The following NKAIN3 variants were observed in gnomAD, a reference collection of about 807,000 sequenced individuals.
NKAIN3 encodes sodium/potassium-transporting ATPase subunit beta-1-interacting protein 3.
In NKAIN3, 25 loss-of-function variants were observed where a neutral mutation model predicts 30.2. That is an observed-to-expected ratio of 0.83 (90% CI 0.60 to 1.16). The LOEUF is 1.16. Among genes scored for constraint, NKAIN3 ranks in the 50% most tolerant of loss-of-function variants. The probability of loss-of-function intolerance (pLI) is 0.00; values close to 1 mark genes in which losing one functional copy is unlikely to be tolerated. For synonymous variants in NKAIN3, 91 were observed against 89.6 expected (o/e 1.02, Z -0.09); for missense variants, 225 against 254.1 (o/e 0.89, Z 0.78).
intron 1 of NKAIN3, among the ~76,000 whole-genome samples, chr8:62,423,346 T>C (rs1451855): frequency 0.42 from 62,805 of 151,232 alleles, 15,062 homozygotes; most frequent in Non-Finnish European, 0.53. Flanking sequence ...CAAACCGTGC[T>C]GTTTCTCAAG....
intron 1 of NKAIN3, among the ~76,000 whole-genome samples, chr8:62,347,117 G>A (rs1337745203): frequency 6.6e-6 from 1 of 152,148 alleles, no homozygotes; most frequent in Middle Eastern, 3.2e-3. Context: ...GGAGGGTGTA[G>A]TAGTAACAGG....
At chr8:62,821,512 T>C (rs1440742896) in intron 4 of NKAIN3, among the ~76,000 whole-genome samples, 1 of 152,132 alleles carries the variant, frequency 6.6e-6, no homozygotes, top group Non-Finnish European at 1.5e-5. Context: ...GGTAATTTCA[T>C]GTGTAATGAG....
rs71255371 is a variant in NKAIN3, at chr8:62,919,227, A to ATTTTTTTTTT, written c.532+740_532+749dup. 4.0e-3 allele frequency among the ~76,000 whole-genome samples: 190 copies of ATTTTTTTTTT among 47,202 alleles called. 15 individuals are homozygous for ATTTTTTTTTT. The highest frequency in any genetic ancestry group is 5.5e-3 in the Admixed American group (13 of 2,346). 31.0% of individuals were successfully genotyped at this position (47,202 alleles called of 152,430 possible). ...TCACTTTTTTTTATTTACTTTCAAA[A>ATTTTTTTTTT]TTTTTTTTTTTTTTTTTTTTTTTTT... On this transcript the variant is annotated intron_variant, in intron 5 of 6. Coordinates refer to ENST00000623646, the MANE Select transcript of NKAIN3 (RefSeq NM_001304533.3).
intron 1 of NKAIN3, among the ~76,000 whole-genome samples, chr8:62,532,923 C>A (rs949595176): frequency 6.6e-6 from 1 of 152,124 alleles, no homozygotes; most frequent in African/African-American, 2.4e-5. Context: ...ATATTTTGGA[C>A]CTAGTACATA....
At position 62,977,171 on chromosome 8, in the gene NKAIN3, T is replaced by C. The variant is rs1038716508; in HGVS notation, c.*11764T>C. Among the ~76,000 whole-genome samples the C allele has an allele frequency of 6.6e-6, 1 of 152,218 alleles. No individual in the cohort carries two copies. Among genetic ancestry groups the C allele is most frequent in the Admixed American group, 6.5e-5 (1 of 15,286 alleles). On this transcript the variant is annotated 3_prime_UTR_variant, in exon 7 of 7. Transcript: ENST00000623646. ...TGACGATTATGTGTCTTGGGGTTGC[T>C]CTTCTCAAAGAGTATCTTTGTGGTG...
chr8:62,307,786 A>G lies in NKAIN3; in HGVS notation c.54+58659A>G, dbSNP rs970182062. ...TATGTGAACTGCATGAAACTTTTTG[A>G]GACAAGAAGAGATAGCACTTCTAGC... On this transcript the variant is annotated intron_variant, in intron 1 of 6. Transcript: ENST00000623646. Among the ~76,000 whole-genome samples the G allele has an allele frequency of 4.6e-5, 7 of 150,888 alleles. 1 individual carries two copies. Among genetic ancestry groups the G allele is most frequent in the African/African-American group, 1.7e-4 (7 of 40,194 alleles).
intron 1 of NKAIN3, among the ~76,000 whole-genome samples, chr8:62,481,811 T>C (rs1233375117): frequency 6.6e-6 from 1 of 152,222 alleles, no homozygotes; most frequent in Non-Finnish European, 1.5e-5. Flanking sequence ...TAAAGTCCTA[T>C]ATTGGATAGA....
chr8:62,540,771 A>T (rs57786242), intron 1 of NKAIN3, among the ~76,000 whole-genome samples: 11,157 of 151,618 alleles, frequency 0.074, 461 homozygotes, highest in Middle Eastern at 0.14. Flanking sequence ...TATTGTCTAG[A>T]TCCCATGTCT....
chr8:62,910,584 G>A (rs549967931), intron 4 of NKAIN3, among the ~76,000 whole-genome samples: 1 of 152,190 alleles, frequency 6.6e-6, no homozygotes. Context: ...AGATTTCTTA[G>A]AGGGTATTTA....
chr8:62,943,978 G>A (rs1042775144), intron 5 of NKAIN3, among the ~76,000 whole-genome samples: 2 of 151,814 alleles, frequency 1.3e-5, no homozygotes, highest in African/African-American at 4.8e-5. Context: ...AAAGGCATAA[G>A]AATGACATAA....
intron 1 of NKAIN3, among the ~76,000 whole-genome samples, chr8:62,560,320 G>A (rs1259542857): frequency 6.6e-6 from 1 of 151,796 alleles, no homozygotes; most frequent in Admixed American, 6.6e-5. Context: ...TAAATTTGGG[G>A]AGTTTTCAGC....
chr8:62,951,698 A>C (rs1221855500), intron 5 of NKAIN3, among the ~76,000 whole-genome samples: 1 of 152,160 alleles, frequency 6.6e-6, no homozygotes, highest in African/African-American at 2.4e-5. Flanking sequence ...CCTGAGCCCA[A>C]GCAATTCACC....
rs73685510 is a variant in NKAIN3, at chr8:62,728,173, T to C, written c.274-18759T>C. ...AAGAAATAACTCAAAATGGATCACA[T>C]ACACAAATGTAAAATGCAAAACTAT... On this transcript the variant is annotated intron_variant, in intron 3 of 6. Coordinates refer to ENST00000623646, the MANE Select transcript of NKAIN3 (RefSeq NM_001304533.3). Among the ~76,000 whole-genome samples, 1,497 of 152,124 alleles carry C rather than the reference T, an allele frequency of 9.8e-3. 23 individuals carry two copies. The highest frequency in any genetic ancestry group is 0.034 in the African/African-American group (1,418 of 41,504).
At chr8:62,447,281 A>G (rs556327866) in intron 1 of NKAIN3, among the ~76,000 whole-genome samples, 1 of 152,154 alleles carries the variant, frequency 6.6e-6, no homozygotes, top group East Asian at 1.9e-4. Flanking sequence ...TCATTTGAAA[A>G]TATTGTATTT....
At chr8:62,874,510 CA>C (rs1563606523) in intron 4 of NKAIN3, among the ~76,000 whole-genome samples, 1 of 152,116 alleles carries the variant, frequency 6.6e-6, no homozygotes, top group Non-Finnish European at 1.5e-5. Flanking sequence ...AGAGACGCAA[CA>C]AAAAAAGAAA....
At chr8:62,845,718 G>T (rs1376523653) in intron 4 of NKAIN3, among the ~76,000 whole-genome samples, 1 of 152,076 alleles carries the variant, frequency 6.6e-6, no homozygotes, top group Non-Finnish European at 1.5e-5. Flanking sequence ...TGGCAGGCAG[G>T]ACTGGGAGCT....
intron 5 of NKAIN3, among the ~76,000 whole-genome samples, chr8:62,950,432 T>C (rs1823249850): frequency 6.6e-6 from 1 of 152,224 alleles, no homozygotes; most frequent in South Asian, 2.1e-4. Flanking sequence ...GAATTCTTGA[T>C]ATTTCAGTTT....
chr8:62,571,132 T>A (rs2130019876), intron 1 of NKAIN3, among the ~76,000 whole-genome samples: 1 of 129,812 alleles, frequency 7.7e-6, no homozygotes, highest in Non-Finnish European at 1.6e-5. Flanking sequence ...GTTATTGAAA[T>A]AGGCTTATTT....
chr8:62,913,916 G>A (rs10957255), intron 4 of NKAIN3, among the ~76,000 whole-genome samples: 117,150 of 152,172 alleles, frequency 0.77, 45,891 homozygotes, highest in East Asian at 0.98. Flanking sequence ...TAGGTCAACC[G>A]TCGTGAAAAT....
Sources: allele counts gnomAD v4.1 joint callset (sites outside exome capture counted in the v4.1 genomes callset), GRCh38; gene constraint gnomAD v4.1.1; transcripts MANE v1.5; gene names NCBI Gene and HGNC (gene_info 2026-07-23, HGNC 2026-07-21).